The following FBF1 variants were observed in gnomAD, a reference collection of about 807,000 sequenced individuals.
The protein encoded by FBF1 is fas-binding factor 1.
In FBF1, 119 loss-of-function variants were observed where a neutral mutation model predicts 147.2. The observed-to-expected ratio is 0.81, with a 90% CI of 0.70 to 0.94. FBF1 has a LOEUF of 0.94. FBF1 is among the 40% of genes least tolerant of loss of function. The pLI, the probability that FBF1 is intolerant of heterozygous loss-of-function variation, is 0.00. For missense variants in FBF1, 1,449 were observed against 1,500.8 expected, an observed-to-expected ratio of 0.97 and a Z score of 0.57; for synonymous variants, 601 against 609.0, an observed-to-expected ratio of 0.99 and a Z score of 0.19.
At position 75,914,247 on chromosome 17, in the gene FBF1, G is replaced by C; in HGVS notation, c.2866C>G (p.Gln956Glu). 4 of 1,593,686 alleles carry C rather than the reference G, an allele frequency of 2.5e-6. No homozygotes were observed. The highest frequency in any genetic ancestry group is 3.4e-6 in the Non-Finnish European group (4 of 1,172,782). The change falls in exon 26 of 30, where the codon CAG becomes GAG. Residue 956 changes from glutamine to glutamate, a missense_variant. Coordinates refer to ENST00000636174, the MANE Select transcript of FBF1 (RefSeq NM_001319193.2). ...AGGGCTGCTCTCTCCGCTGCCAGCTGCTTCTCCTCGGCCCGGAGCTCGCTG... is the reference window on the plus strand; with the variant it reads ...AGGGCTGCTCTCTCCGCTGCCAGCTCCTTCTCCTCGGCCCGGAGCTCGCTG... Reference protein sequence around the residue: ...RASELRAEEKQLAAERAALEQ... With the variant: ...RASELRAEEKELAAERAALEQ...
Position 75,918,646 on chromosome 17 carries a change from C to T in FBF1, c.2139-377G>A, listed in dbSNP as rs1007939406. ...CCGAGTGGCTGGGACTATAGGCGCT[C>T]ACCACGCCTAATTTTTTATATTTTA... is the stretch of plus-strand genomic sequence containing the variant. On this transcript the variant is annotated intron_variant, in intron 20 of 29. Coordinates refer to ENST00000636174, the MANE Select transcript of FBF1 (RefSeq NM_001319193.2). This position sits in a 1 kb window ranked among gnomAD's most constrained non-coding sequence, Gnocchi z 5.8. Among the ~76,000 whole-genome samples, 1 of 151,782 alleles carries T rather than the reference C, an allele frequency of 6.6e-6. No individual in the cohort carries two copies. The highest frequency in any genetic ancestry group is 2.4e-5 in the African/African-American group (1 of 41,332).
chr17:75,910,008 G>A lies in FBF1; in HGVS notation c.*715C>T, dbSNP rs754731710. 9 of 679,386 alleles carry A rather than the reference G, an allele frequency of 1.3e-5. No homozygotes were observed. The highest frequency in any genetic ancestry group is 4.5e-5 in the South Asian group (3 of 66,534). 42.1% of individuals were successfully genotyped at this position (679,386 alleles called of 1,614,324 possible). A position where few individuals can be genotyped will look rare whatever the true frequency, so the allele number is the denominator to read the frequency against. ...GAGCAGCACAGAGGCTTCCCTCCTC[G>A]TCCCTCCCCACACCCCACCATCGCC... is the stretch of plus-strand genomic sequence containing the variant. On this transcript the variant is annotated 3_prime_UTR_variant, in exon 30 of 30. Coordinates refer to ENST00000636174, the MANE Select transcript of FBF1 (RefSeq NM_001319193.2). The surrounding 1 kb of genome is among the most constrained non-coding windows in gnomAD (Gnocchi z 4.1).
chr17:75,931,288 A>C lies in FBF1; in HGVS notation c.169T>G (p.Ser57Ala), dbSNP rs1191982607. The C allele has an allele frequency of 2.5e-6, 4 of 1,582,196 alleles. No homozygotes were observed. Among genetic ancestry groups the C allele is most frequent in the South Asian group, 2.3e-5 (2 of 86,136 alleles). Reference protein sequence around the residue: ...MFPSSKARTKSLLGDDVFSTM... With the variant: ...MFPSSKARTKALLGDDVFSTM... ...CTGAAGACATCATCACCCAGGAGGGACCTGCAAAGGGGAGGCGTCAGCCCC... is the reference window on the plus strand; with the variant it reads ...CTGAAGACATCATCACCCAGGAGGGCCCTGCAAAGGGGAGGCGTCAGCCCC... Residue 57 changes from serine (S) to alanine (A), a missense_variant and splice_region_variant, in exon 6 of 30, where the codon TCC becomes GCC. Ser to Ala is a moderately conservative substitution (Grantham distance 99). Transcript: ENST00000636174.
At chr17:75,912,087 G>T in intron 29 of FBF1, 105 bp downstream of exon 29, 3 of 1,101,822 alleles carry the variant, frequency 2.7e-6, no homozygotes, top group Middle Eastern at 2.7e-4. Flanking sequence ...CTCCCCAGGA[G>T]CTGGGGTCAC....
chr17:75,929,382 G>T (rs1241301578), intron 7 of FBF1, among the ~76,000 whole-genome samples: 3 of 152,112 alleles, frequency 2.0e-5, no homozygotes, highest in Non-Finnish European at 4.4e-5. Flanking sequence ...GAGCCCCACA[G>T]GGCTGTAACC....
At position 75,917,723 on chromosome 17, in the gene FBF1, G is replaced by A. The variant is rs754269269; in HGVS notation, c.2505+9C>T. On this transcript the variant is annotated intron_variant, in intron 23 of 29. Transcript: ENST00000636174. The stretch of plus-strand genomic sequence containing the variant: ...GGAGGGGCAGGAGGGCCAGGAGGAC[G>A]GGCCTCACCTGCTCCAGCAGCCGGC... 1.5e-4 allele frequency: 242 copies of A among 1,563,356 alleles called. 1 individual carries two copies. In the Admixed American group the frequency reaches 2.0e-3, roughly 13 times the overall value.
At chr17:75,932,318 A>G (rs2065599270) in intron 5 of FBF1, among the ~76,000 whole-genome samples, 1 of 151,928 alleles carries the variant, frequency 6.6e-6, no homozygotes, top group Non-Finnish European at 1.5e-5. Flanking sequence ...CAGAGGTTAG[A>G]GTGAGCCGAT....
chr17:75,920,519 C>T, intron 17 of FBF1, 90 bp from the exon 18 acceptor site: 1 of 1,358,108 alleles, frequency 7.4e-7, no homozygotes, highest in Non-Finnish European at 1.0e-6. Flanking sequence ...GCTCACTGGA[C>T]CTCCCTGCAT....
intron 17 of FBF1, 88 bp downstream of exon 17, chr17:75,921,147 TCCTGGCAGG>T: frequency 7.8e-7 from 1 of 1,275,902 alleles, no homozygotes; most frequent in Admixed American, 2.1e-5. Flanking sequence ...GACACATTTT[TCCTGGCAGG>T]TCGTCAGGTC....
Position 75,917,722 on chromosome 17 carries a change from C to A in FBF1, c.2505+10G>T, listed in dbSNP as rs761116818. The A allele has an allele frequency of 5.1e-6, 8 of 1,560,104 alleles. No homozygotes were observed. In the South Asian group the frequency reaches 9.5e-5, roughly 18 times the overall value. ...AGGAGGGGCAGGAGGGCCAGGAGGACGGGCCTCACCTGCTCCAGCAGCCGG... is the reference window on the plus strand; with the variant it reads ...AGGAGGGGCAGGAGGGCCAGGAGGAAGGGCCTCACCTGCTCCAGCAGCCGG... On this transcript the variant is annotated intron_variant, in intron 23 of 29. Coordinates refer to ENST00000636174, the MANE Select transcript of FBF1 (RefSeq NM_001319193.2).
chr17:75,935,075 A>C (rs75538286), intron 4 of FBF1, among the ~76,000 whole-genome samples: 5 of 152,186 alleles, frequency 3.3e-5, no homozygotes, highest in African/African-American at 9.6e-5. Flanking sequence ...GAATTAGGTA[A>C]TGTTGATGGT....
intron 23 of FBF1, 39 bp downstream of exon 23, chr17:75,917,693 T>TGGCAGGAGG (rs144260394): frequency 7.3e-6 from 11 of 1,513,350 alleles, no homozygotes; most frequent in South Asian, 4.9e-5. Flanking sequence ...AGAGGCCCCG[T>TGGCAGGAGG]GGCAGGAGGG....
chr17:75,917,763 C>G lies in FBF1; in HGVS notation c.2474G>C (p.Arg825Pro), dbSNP rs374408919. The G allele has an allele frequency of 2.5e-6, 4 of 1,608,604 alleles. No homozygotes were observed. The highest frequency in any genetic ancestry group is 2.5e-6 in the Non-Finnish European group (3 of 1,178,494). ...QQEVIGKMEA[R>P]LNEQSRLLEQ... ...CAGCAGCCGGCTCTGCTCATTCAGC[C>G]GTGCCTCCATCTTCCCGATGACCTC... Residue 825 changes from arginine (R) to proline (P), a missense_variant, in exon 23 of 30, where the codon CGG becomes CCG. Physicochemically the swap from Arg to Pro is moderately radical, Grantham distance 103. Coordinates refer to ENST00000636174, the MANE Select transcript of FBF1 (RefSeq NM_001319193.2).
intron 10 of FBF1, 106 bp from the exon 11 acceptor site, chr17:75,926,532 G>C: frequency 7.0e-7 from 1 of 1,430,798 alleles, no homozygotes; most frequent in Non-Finnish European, 9.2e-7. Context: ...AGGACGACAG[G>C]CTTTAGACCT....
chr17:75,927,956 G>T, intron 8 of FBF1, 120 bp downstream of exon 8: 1 of 762,390 alleles, frequency 1.3e-6, no homozygotes, highest in Non-Finnish European at 2.2e-6. Context: ...TCTCCATCCT[G>T]TGCAGAGAAA....
Position 75,923,397 on chromosome 17 carries a change from G to C in FBF1, c.1213C>G (p.Pro405Ala). Reference sequence around the variant, plus strand: ...TCAGTTGGTGGCTTTGCCCTGGAGGGGGGCAGCCCAGCTGGCGTGGAGTGC... The same window carrying C: ...TCAGTTGGTGGCTTTGCCCTGGAGGCGGGCAGCCCAGCTGGCGTGGAGTGC... ...SQHSTPAGLP[P>A]SRAKPPTEGA... The change falls in exon 14 of 30, where the codon CCC (proline) becomes GCC (alanine). Residue 405 changes from proline (P) to alanine (A), a missense_variant. Coordinates refer to ENST00000636174, the MANE Select transcript of FBF1 (RefSeq NM_001319193.2). This position sits in a 1 kb window ranked among gnomAD's most constrained non-coding sequence, Gnocchi z 4.1. 6.2e-7 allele frequency: 1 copy of C among 1,607,434 alleles called. No individual in the cohort carries two copies. Among genetic ancestry groups the C allele is most frequent in the Non-Finnish European group, 8.5e-7 (1 of 1,177,348 alleles).
At chr17:75,915,749 C>T (rs2065485024) in intron 23 of FBF1, among the ~76,000 whole-genome samples, 1 of 152,136 alleles carries the variant, frequency 6.6e-6, no homozygotes, top group Non-Finnish European at 1.5e-5. Flanking sequence ...TGGCTCAGCC[C>T]TATAATCCCA....
chr17:75,925,285 G>A lies in FBF1; in HGVS notation c.968+62C>T, dbSNP rs2065552999. The A allele has an allele frequency of 7.6e-7, 1 of 1,314,332 alleles. No homozygotes were observed. Among genetic ancestry groups the A allele is most frequent in the Non-Finnish European group, 1.1e-6 (1 of 933,014 alleles). The allele number at this position is 1,314,332 out of a possible 1,614,324, so 81.4% of individuals were successfully genotyped here. A position where few individuals can be genotyped will look rare whatever the true frequency, so the allele number is the denominator to read the frequency against. On this transcript the variant is annotated intron_variant, in intron 13 of 29. Transcript: ENST00000636174. This position sits in a 1 kb window ranked among gnomAD's most constrained non-coding sequence, Gnocchi z 5.0. Reference sequence around the variant, plus strand: ...GGGTGGGACAGGGGACAGCTGCAGGGGCCTGTCTTCCCAGTGGCCGACCTG... The same window carrying A: ...GGGTGGGACAGGGGACAGCTGCAGGAGCCTGTCTTCCCAGTGGCCGACCTG...
Position 75,910,191 on chromosome 17 carries a change from T to C in FBF1, c.*532A>G. On this transcript the variant is annotated 3_prime_UTR_variant, in exon 30 of 30. Coordinates refer to ENST00000636174, the MANE Select transcript of FBF1 (RefSeq NM_001319193.2). This position sits in a 1 kb window ranked among gnomAD's most constrained non-coding sequence, Gnocchi z 4.1. Reference sequence around the variant, plus strand: ...AGGGCCTGGCTGAGTTCCAGGAACATCTCACACCACAAGGGAGGATCTAGC... The same window carrying C: ...AGGGCCTGGCTGAGTTCCAGGAACACCTCACACCACAAGGGAGGATCTAGC... 3 of 389,882 alleles carry C rather than the reference T, an allele frequency of 7.7e-6. No homozygotes were observed. The highest frequency in any genetic ancestry group is 4.0e-5 in the South Asian group (2 of 50,492). 24.2% of individuals were successfully genotyped at this position (389,882 alleles called of 1,614,324 possible).
Sources: allele counts gnomAD v4.1 joint callset (sites outside exome capture counted in the v4.1 genomes callset), GRCh38; gene constraint gnomAD v4.1.1; non-coding constraint Gnocchi (gnomAD v3.1); transcripts MANE v1.5; gene names NCBI Gene and HGNC (gene_info 2026-07-23, HGNC 2026-07-21).